Variants in PCDHGA1 observed in about 807,000 individuals in gnomAD.
PCDHGA1 encodes protocadherin gamma-A1.
Under a neutral mutation model 58.0 loss-of-function variants are expected in PCDHGA1, and 32 were observed. The observed-to-expected ratio is 0.55, with a 90% CI of 0.42 to 0.74. The LOEUF (loss-of-function observed/expected upper bound fraction) is 0.74. Ranked by LOEUF, PCDHGA1 falls within the 30% of genes least tolerant of loss-of-function variation. The pLI is 0.00. For synonymous variants in PCDHGA1, 498 were observed against 501.1 expected (o/e 0.99, Z 0.08); for missense variants, 1,205 against 1,182.3 (o/e 1.02, Z -0.28).
chr5:141,421,513 C>G lies in PCDHGA1; in HGVS notation c.2422-73294C>G, dbSNP rs368199651. ...GGCAGGCAGGATAGACCGGGAGGAG[C>G]TCTGTGAGACGGTGTCCTCCTGTTT... On this transcript the variant is annotated intron_variant, in intron 1 of 3. Coordinates refer to ENST00000517417, the MANE Select transcript of PCDHGA1 (RefSeq NM_018912.3). 61 of 1,614,078 alleles carry G rather than the reference C, an allele frequency of 3.8e-5. No individual in the cohort carries two copies. The African/African-American group carries it at 7.5e-4, about 20-fold the overall frequency.
At chr5:141,415,871 G>T (rs2095966585) in intron 1 of PCDHGA1, 2 of 1,074,308 alleles carry the variant, frequency 1.9e-6, no homozygotes, top group South Asian at 2.3e-5. Context: ...TAGTGTTGTT[G>T]AGTACAATAT....
At chr5:141,438,571 T>TATAC (rs1212381177) in intron 1 of PCDHGA1, among the ~76,000 whole-genome samples, 15 of 94,542 alleles carry the variant, frequency 1.6e-4, no homozygotes, top group South Asian at 1.0e-3. Flanking sequence ...AGCTGTCTGA[T>TATAC]ATACATACAT....
intron 1 of PCDHGA1, chr5:141,415,608 T>C (rs1391331847): frequency 6.2e-7 from 1 of 1,613,366 alleles, no homozygotes; most frequent in Non-Finnish European, 8.5e-7. Flanking sequence ...CCCCATTGGT[T>C]CCAGTGAGTT....
Position 141,386,264 on chromosome 5 carries a change from A to T in PCDHGA1, c.2421+53159A>T, listed in dbSNP as rs115810695. Among the ~76,000 whole-genome samples the T allele has an allele frequency of 6.0e-3, 910 of 152,346 alleles. 6 individuals are homozygous for T. Among genetic ancestry groups the T allele is most frequent in the African/African-American group, 0.02 (846 of 41,566 alleles). On this transcript the variant is annotated intron_variant, in intron 1 of 3. Coordinates refer to ENST00000517417, the MANE Select transcript of PCDHGA1 (RefSeq NM_018912.3). ...TTGGAAATAACCCAATCTGGGATTA[A>T]CTACTTCCATATTCTTTTGTATAAC...
intron 1 of PCDHGA1, chr5:141,408,845 T>C (rs560368079): frequency 1.9e-6 from 3 of 1,613,670 alleles, no homozygotes; most frequent in Non-Finnish European, 8.5e-7. Flanking sequence ...ATTGACTGCC[T>C]TGGACGGAGG....
chr5:141,427,865 G>A, intron 1 of PCDHGA1: 1 of 1,558,148 alleles, frequency 6.4e-7, no homozygotes. Flanking sequence ...GCGCCTTCGA[G>A]CTCACGATGC....
At chr5:141,363,400 G>C (rs1762910571) in intron 1 of PCDHGA1, among the ~76,000 whole-genome samples, 1 of 151,934 alleles carries the variant, frequency 6.6e-6, no homozygotes, top group Admixed American at 6.6e-5. Context: ...GTCATATAAA[G>C]ATGATAGCAG....
chr5:141,456,578 C>G (rs959608396), intron 1 of PCDHGA1, among the ~76,000 whole-genome samples: 10 of 152,182 alleles, frequency 6.6e-5, no homozygotes, highest in African/African-American at 1.7e-4. Flanking sequence ...TTTCCCTGAG[C>G]CTGTCAATAA....
At chr5:141,453,370 G>A (rs969698165) in intron 1 of PCDHGA1, among the ~76,000 whole-genome samples, 1 of 152,046 alleles carries the variant, frequency 6.6e-6, no homozygotes, top group Non-Finnish European at 1.5e-5. Context: ...CTGGGGTCAA[G>A]TGATCCTCCT....
intron 1 of PCDHGA1, among the ~76,000 whole-genome samples, chr5:141,338,143 C>T (rs549025346): frequency 1.3e-5 from 2 of 152,336 alleles, no homozygotes; most frequent in South Asian, 2.1e-4. Context: ...TTTCCTACCT[C>T]ATATCACAGC....
At chr5:141,349,450 G>A (rs967201965) in intron 1 of PCDHGA1, among the ~76,000 whole-genome samples, 1 of 152,084 alleles carries the variant, frequency 6.6e-6, no homozygotes, top group Admixed American at 6.5e-5. Context: ...CTTCATAAAA[G>A]CATGTATGTG....
chr5:141,438,631 TATATAC>T (rs1271580663), intron 1 of PCDHGA1, among the ~76,000 whole-genome samples: 5,390 of 42,476 alleles, frequency 0.13, 146 homozygotes, highest in Non-Finnish European at 0.16. Context: ...TATATATATA[TATATAC>T]ACACACACAC....
At position 141,487,074 on chromosome 5, in the gene PCDHGA1, T is replaced by C; in HGVS notation, c.2422-7733T>C. The C allele has an allele frequency of 6.2e-7, 1 of 1,614,104 alleles. No homozygotes were observed. The highest frequency in any genetic ancestry group is 8.5e-7 in the Non-Finnish European group (1 of 1,179,978). Reference sequence around the variant, plus strand: ...GGGGAGGTGCGGACGGCTGTTCCTATCCCAGCTGACCTCCCACCACAGAAG... The same window carrying C: ...GGGGAGGTGCGGACGGCTGTTCCTACCCCAGCTGACCTCCCACCACAGAAG... On this transcript the variant is annotated intron_variant, in intron 1 of 3. Transcript: ENST00000517417. The surrounding 1 kb of genome is among the most constrained non-coding windows in gnomAD (Gnocchi z 5.0).
intron 1 of PCDHGA1, among the ~76,000 whole-genome samples, chr5:141,448,772 G>C (rs1034550563): frequency 1.5e-4 from 22 of 151,272 alleles, no homozygotes; most frequent in African/African-American, 3.7e-4. Context: ...AACCCCGTCT[G>C]TACTAAAAAT....
At chr5:141,426,680 T>TC in intron 1 of PCDHGA1, 1 of 431,452 alleles carries the variant, frequency 2.3e-6, no homozygotes, top group South Asian at 1.6e-5. Context: ...CACCTCATTT[T>TC]CCCCAAAATA....
At chr5:141,502,494 A>G (rs928571740) in intron 2 of PCDHGA1, among the ~76,000 whole-genome samples, 2 of 152,180 alleles carry the variant, frequency 1.3e-5, no homozygotes, top group South Asian at 2.1e-4. Context: ...GGACTCATCT[A>G]ACGTCGGCCT....
intron 1 of PCDHGA1, chr5:141,370,596 G>T: frequency 6.2e-7 from 1 of 1,613,936 alleles, no homozygotes. Context: ...GAACCTGCGG[G>T]TTATTGCAGA....
chr5:141,453,848 C>T (rs1045684685), intron 1 of PCDHGA1, among the ~76,000 whole-genome samples: 38 of 152,290 alleles, frequency 2.5e-4, no homozygotes, highest in Non-Finnish European at 4.4e-4. Context: ...GTCCACAGAG[C>T]ACTTTGAAAA....
intron 1 of PCDHGA1, chr5:141,371,346 G>A: frequency 6.2e-7 from 1 of 1,613,880 alleles, no homozygotes; most frequent in Non-Finnish European, 8.5e-7. Flanking sequence ...CTACACAATT[G>A]GGGTGGAAGC....
Sources: allele counts gnomAD v4.1 joint callset (sites outside exome capture counted in the v4.1 genomes callset), GRCh38; gene constraint gnomAD v4.1.1; non-coding constraint Gnocchi (gnomAD v3.1); transcripts MANE v1.5; gene names NCBI Gene and HGNC (gene_info 2026-07-23, HGNC 2026-07-21).